The following MITF variants were observed in gnomAD, a reference collection of about 807,000 sequenced individuals.
MITF encodes microphthalmia-associated transcription factor.
Under a neutral mutation model 60.5 loss-of-function variants are expected in MITF, and 17 were observed. That is an observed-to-expected ratio of 0.28 (90% confidence interval 0.19 to 0.42). The LOEUF (loss-of-function observed/expected upper bound fraction) is 0.42, where lower values mean the gene tolerates loss of function less well. Ranked by LOEUF, MITF falls within the 10% of genes least tolerant of loss-of-function variation. MITF has a pLI of 1.00. For missense variants in MITF, 622 were observed against 683.5 expected, an observed-to-expected ratio of 0.91 and a Z score of 1.00; for synonymous variants, 260 against 248.5, an observed-to-expected ratio of 1.05 and a Z score of -0.43.
intron 2 of MITF, among the ~76,000 whole-genome samples, chr3:69,909,045 G>A (rs142007244): frequency 6.6e-6 from 1 of 152,128 alleles, no homozygotes; most frequent in East Asian, 1.9e-4. Context: ...TGGTGATACG[G>A]CTTGGCTGTG....
At chr3:69,836,855 A>G (rs74956589) in intron 1 of MITF, among the ~76,000 whole-genome samples, 23,424 of 152,190 alleles carry the variant, frequency 0.15, 2,103 homozygotes, top group South Asian at 0.21. Flanking sequence ...AAGGATTTTT[A>G]GGAGCTCTGG....
chr3:69,825,882 C>G (rs1331651284), intron 1 of MITF, among the ~76,000 whole-genome samples: 1 of 152,072 alleles, frequency 6.6e-6, no homozygotes, highest in East Asian at 1.9e-4. Context: ...CCAAACTTTA[C>G]TTTTTAATCT....
chr3:69,915,189 A>T (rs893774776), intron 2 of MITF, among the ~76,000 whole-genome samples: 3 of 152,202 alleles, frequency 2.0e-5, no homozygotes, highest in African/African-American at 7.2e-5. Context: ...CTCAGTAGAG[A>T]TACTACCTGT....
At chr3:69,741,346 G>T (rs1189731969) in intron 1 of MITF, among the ~76,000 whole-genome samples, 1 of 152,204 alleles carries the variant, frequency 6.6e-6, no homozygotes, top group Non-Finnish European at 1.5e-5. Flanking sequence ...ATGAGGGAAT[G>T]AGTGTGTGTG....
chr3:69,843,638 A>G (rs9855804), intron 1 of MITF, among the ~76,000 whole-genome samples: 75,862 of 151,978 alleles, frequency 0.5, 20,557 homozygotes, highest in Non-Finnish European at 0.63. Flanking sequence ...ACTTCTACAC[A>G]ACTTTGGGTT....
At chr3:69,769,700 G>A (rs1016155661) in intron 1 of MITF, 1 of 152,144 alleles carries the variant, frequency 6.6e-6, no homozygotes, top group Non-Finnish European at 1.5e-5. Flanking sequence ...ACTACAGCCC[G>A]GAACTCCTGG....
intron 1 of MITF, among the ~76,000 whole-genome samples, chr3:69,786,442 C>A: frequency 6.6e-6 from 1 of 152,088 alleles, no homozygotes; most frequent in East Asian, 1.9e-4. Flanking sequence ...ATGTTCATAT[C>A]AAATATCTAG....
chr3:69,842,249 C>T (rs995997598), intron 1 of MITF, among the ~76,000 whole-genome samples: 3 of 151,974 alleles, frequency 2.0e-5, no homozygotes, highest in Non-Finnish European at 4.4e-5. Flanking sequence ...GTAGACAACA[C>T]ACGATGTATA....
intron 1 of MITF, among the ~76,000 whole-genome samples, chr3:69,764,991 T>C (rs1575680073): frequency 6.6e-6 from 1 of 152,206 alleles, no homozygotes; most frequent in Non-Finnish European, 1.5e-5. Flanking sequence ...ATGAACCTTT[T>C]CCTGGGAGTT....
Position 69,965,465 on chromosome 3 carries a change from A to G in MITF, c.*217A>G, listed in dbSNP as rs2066668245. The G allele has an allele frequency of 3.9e-6, 2 of 515,806 alleles. No individual in the cohort carries two copies. Among genetic ancestry groups the G allele is most frequent in the South Asian group, 2.5e-5 (1 of 40,344 alleles). 32.0% of individuals were successfully genotyped at this position (515,806 alleles called of 1,614,324 possible). On this transcript the variant is annotated 3_prime_UTR_variant, in exon 10 of 10. Transcript: ENST00000352241. The stretch of plus-strand genomic sequence containing the variant: ...TACAAATGCCTCCAAAGTATTGTAC[A>G]AATAAGTGTGCAGTATCTGTGAACT...
chr3:69,769,476 T>TC (rs1026587992), intron 1 of MITF: 6 of 151,504 alleles, frequency 4.0e-5, no homozygotes, highest in African/African-American at 1.5e-4. Flanking sequence ...GATTTCTTTT[T>TC]TTTTCCTTTT....
chr3:69,870,636 T>C (rs920812847), intron 1 of MITF, among the ~76,000 whole-genome samples: 6 of 151,904 alleles, frequency 3.9e-5, no homozygotes, highest in Non-Finnish European at 7.4e-5. Context: ...GGTTTCACCA[T>C]GTTGGCCAGG....
At chr3:69,763,562 G>C (rs1575678033) in intron 1 of MITF, 9 of 1,151,664 alleles carry the variant, frequency 7.8e-6, no homozygotes, top group Non-Finnish European at 9.6e-6. Flanking sequence ...CTCTAATTTA[G>C]CCTTCCTAGT....
chr3:69,778,612 A>G (rs994471058), intron 1 of MITF, among the ~76,000 whole-genome samples: 1 of 152,178 alleles, frequency 6.6e-6, no homozygotes, highest in African/African-American at 2.4e-5. Context: ...ACTGCTTTAC[A>G]CTTTAAGAAG....
intron 1 of MITF, among the ~76,000 whole-genome samples, chr3:69,765,774 TAA>T (rs1290085679): frequency 1.3e-5 from 2 of 152,226 alleles, no homozygotes; most frequent in African/African-American, 4.8e-5. Flanking sequence ...TTGCTGAGGA[TAA>T]GTTATGATTA....
At chr3:69,839,086 T>A (rs1252232724) in intron 1 of MITF, among the ~76,000 whole-genome samples, 1 of 152,152 alleles carries the variant, frequency 6.6e-6, no homozygotes, top group Non-Finnish European at 1.5e-5. Context: ...ACCTGCACAG[T>A]TTTTCATTTT....
chr3:69,934,231 G>A (rs1014944328), intron 2 of MITF, among the ~76,000 whole-genome samples: 2 of 152,072 alleles, frequency 1.3e-5, no homozygotes, highest in African/African-American at 4.8e-5. Context: ...ATAACACTAA[G>A]ATATTGTTTT....
At chr3:69,789,793 C>T (rs2062709764) in intron 1 of MITF, among the ~76,000 whole-genome samples, 1 of 152,088 alleles carries the variant, frequency 6.6e-6, no homozygotes, top group Admixed American at 6.6e-5. Flanking sequence ...GAGGCAGAGG[C>T]TGCAATGAAT....
chr3:69,810,249 G>A (rs1300966468), intron 1 of MITF, among the ~76,000 whole-genome samples: 1 of 152,184 alleles, frequency 6.6e-6, no homozygotes, highest in East Asian at 1.9e-4. Context: ...GTTCAGGGAT[G>A]CTGCAGGTGG....
Sources: gnomAD v4.1 joint callset for allele counts (sites outside exome capture counted in the v4.1 genomes callset) on GRCh38, gnomAD v4.1.1 for gene constraint, MANE v1.5 for transcripts, NCBI Gene and HGNC (gene_info 2026-07-23, HGNC 2026-07-21) for gene names.